The following WNT3 variants were observed in gnomAD, a reference collection of about 807,000 sequenced individuals.
WNT3 encodes the protein proto-oncogene Wnt-3.
In WNT3, 7 loss-of-function variants were observed where a neutral mutation model predicts 34.2. That is an observed-to-expected ratio of 0.20 (90% CI 0.12 to 0.38). The LOEUF (loss-of-function observed/expected upper bound fraction) is 0.38, where lower values mean the gene tolerates loss of function less well. Among genes scored for constraint, WNT3 ranks in the 10% least tolerant of loss-of-function variants. The pLI, the probability that WNT3 is intolerant of heterozygous loss-of-function variation, is 1.00. For synonymous variants in WNT3, 212 were observed against 211.5 expected, an observed-to-expected ratio of 1.00 and a Z score of -0.02; for missense variants, 267 against 499.8, an observed-to-expected ratio of 0.53 and a Z score of 4.44.
chr17:46,808,484 T>A (rs746802893), intron 1 of WNT3, among the ~76,000 whole-genome samples: 2 of 152,184 alleles, frequency 1.3e-5, no homozygotes, highest in African/African-American at 4.8e-5. Flanking sequence ...TGAGCCTGAA[T>A]GGTGGTAGAA....
intron 4 of WNT3, among the ~76,000 whole-genome samples, chr17:46,767,682 G>A (rs2059325689): frequency 1.3e-5 from 2 of 152,220 alleles, no homozygotes; most frequent in African/African-American, 4.8e-5. Context: ...ATGACAGCTA[G>A]CAGCTATGCA....
intron 1 of WNT3, among the ~76,000 whole-genome samples, chr17:46,817,399 T>G (rs546162332): frequency 2.0e-5 from 3 of 152,066 alleles, no homozygotes; most frequent in Non-Finnish European, 4.4e-5. Context: ...GGCTCTCCTA[T>G]GTCCAGGAGG....
chr17:46,801,291 C>T (rs2084121866), intron 1 of WNT3, among the ~76,000 whole-genome samples: 2 of 152,158 alleles, frequency 1.3e-5, no homozygotes, highest in Non-Finnish European at 1.5e-5. Flanking sequence ...ACAGTCATAT[C>T]TGCTGCTGCT....
chr17:46,764,234 T>C lies in WNT3; in HGVS notation c.*396A>G, dbSNP rs2059294199. 1 of 152,646 alleles carries C rather than the reference T, an allele frequency of 6.6e-6. No homozygotes were observed. Among genetic ancestry groups the C allele is most frequent in the Non-Finnish European group, 1.5e-5 (1 of 68,060 alleles). 9.5% of individuals were successfully genotyped at this position (152,646 alleles called of 1,614,324 possible). On this transcript the variant is annotated 3_prime_UTR_variant, in exon 5 of 5. Coordinates refer to ENST00000225512, the MANE Select transcript of WNT3 (RefSeq NM_030753.5). The stretch of plus-strand genomic sequence containing the variant: ...AAGCAGCAGTTTGGAAACAGAACCT[T>C]GCCCATGCTGATGTCTTGACTGCCA...
intron 1 of WNT3, among the ~76,000 whole-genome samples, chr17:46,788,734 G>A (rs774688960): frequency 1.3e-5 from 2 of 152,024 alleles, no homozygotes; most frequent in Non-Finnish European, 2.9e-5. Flanking sequence ...AGGTGCAGTG[G>A]CCCTGCGAGG....
intron 1 of WNT3, among the ~76,000 whole-genome samples, chr17:46,796,083 C>A (rs1314554542): frequency 6.6e-6 from 1 of 152,212 alleles, no homozygotes; most frequent in Non-Finnish European, 1.5e-5. Flanking sequence ...GCACCCTCCA[C>A]GCCTGCAGGC....
chr17:46,782,117 T>G (rs2059466754), intron 1 of WNT3, among the ~76,000 whole-genome samples: 1 of 152,204 alleles, frequency 6.6e-6, no homozygotes, highest in South Asian at 2.1e-4. Context: ...CAGGGTGCTC[T>G]CCAGGGCCAA....
intron 1 of WNT3, among the ~76,000 whole-genome samples, chr17:46,779,053 T>TCACACACACA (rs56965619): frequency 0.096 from 9,682 of 100,378 alleles, 686 homozygotes; most frequent in Non-Finnish European, 0.1. Flanking sequence ...CCCTACCCCA[T>TCACACACACA]CACACACACA....
intron 1 of WNT3, among the ~76,000 whole-genome samples, chr17:46,796,333 C>G (rs146458554): frequency 3.3e-5 from 5 of 152,350 alleles, no homozygotes; most frequent in African/African-American, 1.2e-4. Flanking sequence ...GTGACATCCT[C>G]TATGCCAGGC....
chr17:46,804,915 G>A (rs888796501), intron 1 of WNT3, among the ~76,000 whole-genome samples: 1 of 65,600 alleles, frequency 1.5e-5, no homozygotes, highest in Admixed American at 1.4e-4. Flanking sequence ...CTGCCTCCCC[G>A]CCCACCCCCC....
At chr17:46,776,707 G>A (rs868282423) in intron 1 of WNT3, among the ~76,000 whole-genome samples, 3 of 152,088 alleles carry the variant, frequency 2.0e-5, no homozygotes, top group Admixed American at 6.5e-5. Flanking sequence ...CAGACAACTC[G>A]GCCTTGCACC....
chr17:46,771,371 G>T (rs1276323969), intron 2 of WNT3, among the ~76,000 whole-genome samples: 4 of 151,822 alleles, frequency 2.6e-5, no homozygotes, highest in Non-Finnish European at 4.4e-5. Flanking sequence ...GCGCCTCGGG[G>T]AAGAGGGGCC....
intron 1 of WNT3, among the ~76,000 whole-genome samples, chr17:46,813,379 A>T (rs2146468173): frequency 6.7e-6 from 1 of 149,164 alleles, no homozygotes; most frequent in Admixed American, 6.8e-5. Context: ...ATTCAGACAT[A>T]GGTCTCTCCA....
intron 1 of WNT3, among the ~76,000 whole-genome samples, chr17:46,774,323 A>G (rs1329374400): frequency 6.6e-6 from 1 of 152,252 alleles, no homozygotes; most frequent in Non-Finnish European, 1.5e-5. Flanking sequence ...CTGGGGCCAC[A>G]TGGACACTTC....
intron 1 of WNT3, among the ~76,000 whole-genome samples, chr17:46,779,104 C>CCCCCCAG (rs1555683626): frequency 7.6e-6 from 1 of 130,832 alleles, no homozygotes; most frequent in Non-Finnish European, 1.5e-5. Context: ...CACACACACA[C>CCCCCCAG]CCCAGCCCAC....
intron 1 of WNT3, among the ~76,000 whole-genome samples, chr17:46,815,819 C>T (rs2084334617): frequency 6.6e-6 from 1 of 152,192 alleles, no homozygotes; most frequent in African/African-American, 2.4e-5. Flanking sequence ...CTTTTGCTTC[C>T]TGTTGGACCT....
At chr17:46,810,493 C>T (rs1199428919) in intron 1 of WNT3, among the ~76,000 whole-genome samples, 5 of 152,174 alleles carry the variant, frequency 3.3e-5, no homozygotes, top group Non-Finnish European at 7.3e-5. Flanking sequence ...CGGGGCATGC[C>T]CACAAAGATT....
chr17:46,817,524 C>T (rs1005602416), intron 1 of WNT3, among the ~76,000 whole-genome samples: 3 of 152,150 alleles, frequency 2.0e-5, no homozygotes, highest in East Asian at 3.9e-4. Flanking sequence ...CTGGGACCTG[C>T]GGAGGGTGGG....
intron 1 of WNT3, among the ~76,000 whole-genome samples, chr17:46,779,445 T>G (rs1481519721): frequency 6.6e-6 from 1 of 152,072 alleles, no homozygotes; most frequent in Non-Finnish European, 1.5e-5. Context: ...TTCCCTTCCC[T>G]AGGACCCTGC....
Sources: gnomAD v4.1 joint callset for allele counts (sites outside exome capture counted in the v4.1 genomes callset) on GRCh38, gnomAD v4.1.1 for gene constraint, MANE v1.5 for transcripts, NCBI Gene and HGNC (gene_info 2026-07-23, HGNC 2026-07-21) for gene names.